Variants in RBFOX1 observed in about 807,000 individuals in gnomAD.
The protein encoded by RBFOX1 is RNA binding protein fox-1 homolog 1.
RBFOX1 carries 8 observed loss-of-function variants against 57.7 expected under a neutral mutation model. That is an observed-to-expected ratio of 0.14 (90% CI 0.08 to 0.25). The LOEUF is 0.25. RBFOX1 is among the 10% of genes least tolerant of loss of function. The probability of loss-of-function intolerance (pLI) is 1.00; values close to 1 mark genes in which losing one functional copy is unlikely to be tolerated. For missense variants in RBFOX1, 611 were observed against 548.5 expected (o/e 1.11, Z -1.14); for synonymous variants, 326 against 222.4 (o/e 1.47, Z -4.15).
chr16:7,273,387 T>G (rs1304214813), intron 4 of RBFOX1, among the ~76,000 whole-genome samples: 1 of 152,098 alleles, frequency 6.6e-6, no homozygotes, highest in South Asian at 2.1e-4. Flanking sequence ...TGGACTGATA[T>G]TCTGGATAAT....
intron 3 of RBFOX1, among the ~76,000 whole-genome samples, chr16:7,013,162 T>A (rs988191132): frequency 2.8e-4 from 43 of 152,222 alleles, no homozygotes; most frequent in Non-Finnish European, 8.8e-5. Context: ...ATTTGTGGTG[T>A]AATGCTCTGA....
intron 2 of RBFOX1, among the ~76,000 whole-genome samples, chr16:6,385,892 A>G (rs73532350): frequency 0.018 from 2,665 of 152,036 alleles, 86 homozygotes; most frequent in African/African-American, 0.06. Context: ...AGCTTCCCCA[A>G]CATTAGTGTG....
In RBFOX1 at chr16:5,936,373, C is replaced by G. The variant is rs769387835; in HGVS notation, c.351+69038C>G. Among the ~76,000 whole-genome samples, 5 of 152,316 alleles carry G rather than the reference C, an allele frequency of 3.3e-5. No individual in the cohort carries two copies. The South Asian group carries it at 1.0e-3, about 32-fold the overall frequency. Reference sequence around the variant, plus strand: ...GCCTGACCTCAAGTGATCCACCTACCTTAGCCTCCCACAGTGCTGGGATTA... The same window carrying G: ...GCCTGACCTCAAGTGATCCACCTACGTTAGCCTCCCACAGTGCTGGGATTA... On this transcript the variant is annotated intron_variant, in intron 4 of 19. Coordinates refer to the RBFOX1 transcript ENST00000641259.
intron 9 of RBFOX1, 132 bp downstream of exon 9, chr16:7,597,563 A>G (rs2152959025): frequency 1.5e-6 from 1 of 682,874 alleles, no homozygotes; most frequent in Non-Finnish European, 2.4e-6. Context: ...CTGACCTGCT[A>G]CAGTGAACCA....
At chr16:5,924,001 G>A (rs2058890781) in intron 4 of RBFOX1, among the ~76,000 whole-genome samples, 1 of 152,112 alleles carries the variant, frequency 6.6e-6, no homozygotes, top group African/African-American at 2.4e-5. Flanking sequence ...AGGACAATGT[G>A]GAGGTAATTG....
chr16:7,361,600 T>A (rs139988059), intron 4 of RBFOX1, among the ~76,000 whole-genome samples: 2 of 152,100 alleles, frequency 1.3e-5, no homozygotes, highest in Admixed American at 1.3e-4. Flanking sequence ...TTTCTACTTA[T>A]AGGGATAACT....
chr16:6,620,872 G>A (rs1036873474), intron 2 of RBFOX1, among the ~76,000 whole-genome samples: 13 of 152,194 alleles, frequency 8.5e-5, no homozygotes, highest in African/African-American at 1.2e-4. Context: ...AAAATCCCTT[G>A]TATTAGTTTG....
At position 5,296,187 on chromosome 16, in the gene RBFOX1, T is replaced by C. The variant is rs916795854; in HGVS notation, c.219+56082T>C. Among the ~76,000 whole-genome samples, 4 of 152,244 alleles carry C rather than the reference T, an allele frequency of 2.6e-5. No homozygotes were observed. In the East Asian group the frequency reaches 7.7e-4, roughly 29 times the overall value. On this transcript the variant is annotated intron_variant, in intron 1 of 2. Transcript: ENST00000585867. ...TTTCCAATCTGACTTGTCTGAAGCA[T>C]GCACTAAGCTAGCTGGGCATTCAGA...
chr16:7,359,094 A>C (rs1440705334), intron 4 of RBFOX1, among the ~76,000 whole-genome samples: 1 of 152,180 alleles, frequency 6.6e-6, no homozygotes, highest in East Asian at 1.9e-4. Context: ...CTAAGGAGGT[A>C]CAGAAAACTG....
At chr16:7,545,780 G>T (rs557239105) in intron 5 of RBFOX1, among the ~76,000 whole-genome samples, 2 of 152,208 alleles carry the variant, frequency 1.3e-5, no homozygotes, top group South Asian at 4.1e-4. Flanking sequence ...AGAAAACGTG[G>T]TCTTGGGTCT....
At position 7,460,385 on chromosome 16, in the gene RBFOX1, A is replaced by ATC. The variant is rs1260294811; in HGVS notation, c.28-57761_28-57760insCT. ...CATTTAGCAAAATATATATATATAT[A>ATC]TATATGTGTGTGTGTGTGTGTGTGT... On this transcript the variant is annotated intron_variant, in intron 4 of 15. Transcript: ENST00000550418. Among the ~76,000 whole-genome samples, 5 of 82,572 alleles carry ATC rather than the reference A, an allele frequency of 6.1e-5. 1 individual carries two copies. Among genetic ancestry groups the ATC allele is most frequent in the Non-Finnish European group, 1.0e-4 (5 of 48,604 alleles). 54.2% of individuals were successfully genotyped at this position (82,572 alleles called of 152,430 possible).
chr16:7,143,862 C>G (rs1178505865), intron 4 of RBFOX1, among the ~76,000 whole-genome samples: 3 of 152,092 alleles, frequency 2.0e-5, no homozygotes, highest in African/African-American at 4.8e-5. Context: ...ACTATAAGAT[C>G]CTAGAAGGTA....
At chr16:6,689,381 A>G (rs2059895965) in intron 3 of RBFOX1, among the ~76,000 whole-genome samples, 2 of 152,192 alleles carry the variant, frequency 1.3e-5, no homozygotes, top group African/African-American at 4.8e-5. Context: ...ATGAAAATCT[A>G]GATTTATTTG....
intron 4 of RBFOX1, among the ~76,000 whole-genome samples, chr16:7,493,714 T>C (rs2151610942): frequency 6.6e-6 from 1 of 152,356 alleles, no homozygotes; most frequent in South Asian, 2.1e-4. Flanking sequence ...AAGAAACCGA[T>C]GATCCTCTCA....
chr16:6,376,294 T>G lies in RBFOX1; in HGVS notation c.-64+59237T>G, dbSNP rs543064746. On this transcript the variant is annotated intron_variant, in intron 2 of 15. Transcript: ENST00000550418. ...TGTGTTGTGTTGGGTTTTGTTTGTT[T>G]GTTGGTTGGTTGTTGTTGTTGTTGT... 3.3e-3 allele frequency among the ~76,000 whole-genome samples: 356 copies of G among 106,826 alleles called. 10 individuals carry two copies. The South Asian group carries it at 0.039, about 12-fold the overall frequency. The allele number at this position is 106,826 out of a possible 152,430, so 70.1% of individuals were successfully genotyped here.
At chr16:5,277,003 A>G (rs572473257) in intron 1 of RBFOX1, among the ~76,000 whole-genome samples, 3 of 152,232 alleles carry the variant, frequency 2.0e-5, no homozygotes, top group Non-Finnish European at 4.4e-5. Context: ...ACATGTTTAC[A>G]TCAGCAAAAT....
chr16:5,882,155 C>T (rs2057779797), intron 4 of RBFOX1, among the ~76,000 whole-genome samples: 1 of 152,192 alleles, frequency 6.6e-6, no homozygotes, highest in Non-Finnish European at 1.5e-5. Flanking sequence ...ATTCTCTTTC[C>T]ACACACTGTG....
chr16:5,348,912 C>A (rs12598232), intron 1 of RBFOX1, among the ~76,000 whole-genome samples: 130,926 of 152,206 alleles, frequency 0.86, 58,719 homozygotes, highest in East Asian at 1. Flanking sequence ...ATCCTAATTT[C>A]GTTTCTTTTG....
At chr16:7,191,957 G>A (rs1019480720) in intron 4 of RBFOX1, among the ~76,000 whole-genome samples, 7 of 152,174 alleles carry the variant, frequency 4.6e-5, no homozygotes, top group South Asian at 2.1e-4. Context: ...TTCCTGAGCC[G>A]TCTCCCTCTA....
Sources: gnomAD v4.1 joint callset for allele counts (sites outside exome capture counted in the v4.1 genomes callset) on GRCh38, gnomAD v4.1.1 for gene constraint, MANE v1.5 for transcripts, NCBI Gene and HGNC (gene_info 2026-07-23, HGNC 2026-07-21) for gene names.